Variants in SLX4 observed in about 807,000 individuals in gnomAD.
The protein encoded by SLX4 is SLX4 structure-specific endonuclease subunit, also known as structure-specific endonuclease subunit SLX4.
SLX4 carries 112 observed loss-of-function variants against 146.2 expected under a neutral mutation model. That is an observed-to-expected ratio of 0.77 (90% confidence interval 0.66 to 0.90). The LOEUF is 0.90. Among genes scored for constraint, SLX4 ranks in the 40% least tolerant of loss-of-function variants. SLX4 has a pLI of 0.00. For synonymous variants in SLX4, 1,061 were observed against 997.7 expected, an observed-to-expected ratio of 1.06 and a Z score of -1.20; for missense variants, 2,563 against 2,392.7, an observed-to-expected ratio of 1.07 and a Z score of -1.49.
At chr16:3,594,708 G>C in intron 9 of SLX4, 109 bp from the exon 10 acceptor site, 1 of 1,452,924 alleles carries the variant, frequency 6.9e-7, no homozygotes, top group Non-Finnish European at 9.5e-7. Context: ...CGGGAGCCAG[G>C]ACCTGCATTC....
chr16:3,602,151 A>G lies in SLX4; in HGVS notation c.917T>C (p.Met306Thr), dbSNP rs1343116242. 6.2e-7 allele frequency: 1 copy of G among 1,614,150 alleles called. No homozygotes were observed. Among genetic ancestry groups the G allele is most frequent in the Non-Finnish European group, 8.5e-7 (1 of 1,180,028 alleles). Residue 306 changes from methionine (M) to threonine (T), a missense_variant, in exon 4 of 15, where the codon ATG (methionine) becomes ACG (threonine). By Grantham distance (81) the Met-to-Thr change is moderately conservative (BLOSUM62 -1). Transcript: ENST00000294008. ...ATGCTGTTCCCTTCGGGTCACGTTC[A>G]TGGCTGAGAGGTTCTTTTGACAAAT... ...CQICQKNLSA[M>T]NVTRREQHVN... is the part of the protein sequence containing the mutation.
rs1277052467 is a variant in SLX4, at chr16:3,591,157, CTCT to C, written c.2478_2480del (p.Glu829del). 4 of 1,614,106 alleles carry C rather than the reference CTCT, an allele frequency of 2.5e-6. No individual in the cohort carries two copies. Among genetic ancestry groups the C allele is most frequent in the Non-Finnish European group, 3.4e-6 (4 of 1,180,054 alleles). The stretch of plus-strand genomic sequence containing the variant: ...ATTTCAACAAAGTCTCCGCTTCCTC[CTCT>C]TCATCTGCCCACATTGACCTCAAGA... On this transcript the variant is annotated inframe_deletion, in exon 12 of 15. Transcript: ENST00000294008.
chr16:3,605,102 T>C (rs575465691), intron 3 of SLX4, among the ~76,000 whole-genome samples: 1 of 151,244 alleles, frequency 6.6e-6, no homozygotes, highest in African/African-American at 2.4e-5. Context: ...AAAAAAATTT[T>C]TTTTTGAGTC....
rs2040811041 is a variant in SLX4, at chr16:3,608,523, G to A, written c.442C>T (p.Pro148Ser). The A allele has an allele frequency of 6.2e-7, 1 of 1,614,188 alleles. No individual in the cohort carries two copies. Among genetic ancestry groups the A allele is most frequent in the Middle Eastern group, 1.6e-4 (1 of 6,062 alleles). Residue 148 changes from proline to serine, a missense_variant, in exon 2 of 15, where the codon CCA becomes TCA. Coordinates refer to ENST00000294008, the MANE Select transcript of SLX4 (RefSeq NM_032444.4). ...NGEGGVLASA[P>S]DPPVLRETAQ... is the part of the protein sequence containing the mutation. ...GTTTCCCGGAGCACAGGTGGATCTG[G>A]AGCAGAGGCAAGCACACCCCCCTCC...
intron 13 of SLX4, 33 bp from the exon 14 acceptor site, chr16:3,583,543 C>G (rs759432253): frequency 1.2e-6 from 2 of 1,612,628 alleles, no homozygotes; most frequent in African/African-American, 1.3e-5. Context: ...TCAGGACCCA[C>G]CCACACAGCT....
At chr16:3,598,312 C>T (rs2040689143) in intron 5 of SLX4, among the ~76,000 whole-genome samples, 1 of 152,230 alleles carries the variant, frequency 6.6e-6, no homozygotes, top group Non-Finnish European at 1.5e-5. Flanking sequence ...ATGGAGTCAA[C>T]AATCGATGGC....
At chr16:3,606,809 T>G in intron 2 of SLX4, 111 bp from the exon 3 acceptor site, 2 of 1,113,888 alleles carry the variant, frequency 1.8e-6, no homozygotes, top group Non-Finnish European at 2.7e-6. Flanking sequence ...TCAACTAGTT[T>G]AGGTTTGACT....
chr16:3,601,561 G>A, intron 4 of SLX4: 1 of 354,918 alleles, frequency 2.8e-6, no homozygotes, highest in South Asian at 2.4e-5. Flanking sequence ...GTCCGCCAAT[G>A]GACGAAAGGA....
intron 3 of SLX4, 89 bp downstream of exon 3, chr16:3,606,385 C>T: frequency 7.0e-7 from 1 of 1,435,182 alleles, no homozygotes; most frequent in Non-Finnish European, 9.8e-7. Context: ...ACAGAAGAAA[C>T]TCAACAAATG....
chr16:3,608,877 A>G lies in SLX4; in HGVS notation c.88T>C (p.Ser30Pro). 6.2e-7 allele frequency: 1 copy of G among 1,614,162 alleles called. No individual in the cohort carries two copies. Residue 30 changes from serine to proline, a missense_variant, in exon 2 of 15, where the codon TCC (serine) becomes CCC (proline). Ser to Pro is a moderately conservative substitution (Grantham distance 74). Coordinates refer to ENST00000294008, the MANE Select transcript of SLX4 (RefSeq NM_032444.4). ...AGGCTTTCAGGCTGGTCTTCAGAGG[A>G]GCGAGGGTCAATCCCAGGACAGGCA... is the stretch of plus-strand genomic sequence containing the variant. ...LSACPGIDPR[S>P]SEDQPESLKT... is the part of the protein sequence containing the mutation.
intron 7 of SLX4, among the ~76,000 whole-genome samples, chr16:3,596,871 GGA>G (rs1258611909): frequency 1.3e-5 from 2 of 150,894 alleles, no homozygotes; most frequent in East Asian, 3.9e-4. Context: ...TGCCCAGGCT[GGA>G]GTGTAATGGC....
chr16:3,606,162 A>G (rs1230317248), intron 3 of SLX4, among the ~76,000 whole-genome samples: 1 of 151,108 alleles, frequency 6.6e-6, no homozygotes, highest in Non-Finnish European at 1.5e-5. Flanking sequence ...GGGGCAAGAT[A>G]ATTGCTTGAA....
rs759772918 is a variant in SLX4, at chr16:3,597,947, CCTT to C, written c.1213_1215del (p.Lys405del). On this transcript the variant is annotated inframe_deletion, in exon 6 of 15. Coordinates refer to ENST00000294008, the MANE Select transcript of SLX4 (RefSeq NM_032444.4). The surrounding 1 kb of genome is among the most constrained non-coding windows in gnomAD (Gnocchi z 4.4). ...TCCACCTTCCGCCTCTTCCGTGGCT[CCTT>C]CTTGCTGGTGGGTCCTCTCCGTTTC... 1 of 1,614,026 alleles carries C rather than the reference CCTT, an allele frequency of 6.2e-7. No individual in the cohort carries two copies. Among genetic ancestry groups the C allele is most frequent in the Non-Finnish European group, 8.5e-7 (1 of 1,180,054 alleles).
Position 3,608,741 on chromosome 16 carries a change from T to C in SLX4, c.224A>G (p.Lys75Arg), listed in dbSNP as rs763518690. 2 of 1,614,238 alleles carry C rather than the reference T, an allele frequency of 1.2e-6. No individual in the cohort carries two copies. The highest frequency in any genetic ancestry group is 1.7e-5 in the Admixed American group (1 of 60,026). Residue 75 changes from lysine to arginine, a missense_variant, in exon 2 of 15, where the codon AAG becomes AGG. Coordinates refer to ENST00000294008, the MANE Select transcript of SLX4 (RefSeq NM_032444.4). ...HGIKEVSGERKTQKAASNGTQ... is the reference protein window; with the variant it reads ...HGIKEVSGERRTQKAASNGTQ... ...GCCGTTTGAGGCAGCCTTTTGTGTC[T>C]TCCTTTCTCCTGACACTTCCTTGAT...
At chr16:3,606,053 A>T (rs553697452) in intron 3 of SLX4, among the ~76,000 whole-genome samples, 1 of 151,322 alleles carries the variant, frequency 6.6e-6, no homozygotes, top group Admixed American at 6.6e-5. Context: ...TGAGGTCAGG[A>T]GTTCGAGACC....
At chr16:3,585,976 C>G (rs1410388553) in intron 12 of SLX4, among the ~76,000 whole-genome samples, 1 of 152,028 alleles carries the variant, frequency 6.6e-6, no homozygotes, top group Non-Finnish European at 1.5e-5. Context: ...GCACTCCAGC[C>G]TGGGCGACAG....
chr16:3,590,454 G>C lies in SLX4; in HGVS notation c.3184C>G (p.Arg1062Gly). 3.1e-6 allele frequency: 5 copies of C among 1,614,118 alleles called. No individual in the cohort carries two copies. Among genetic ancestry groups the C allele is most frequent in the Non-Finnish European group, 4.2e-6 (5 of 1,179,988 alleles). The change falls in exon 12 of 15, where the codon CGT (arginine) becomes GGT (glycine). Residue 1062 changes from arginine (R) to glycine (G), a missense_variant. Coordinates refer to ENST00000294008, the MANE Select transcript of SLX4 (RefSeq NM_032444.4). This position sits in a 1 kb window ranked among gnomAD's most constrained non-coding sequence, Gnocchi z 4.8. ...GAGCCCACCTGGGAAGTTCCGCCAC[G>C]GGACCGGGGTGTTGACAGGGACGAC... ...SGSSLSTPRS[R>G]GGTSQVGSPT...
chr16:3,591,274 C>T lies in SLX4; in HGVS notation c.2364G>A (p.Gln788=), dbSNP rs781460590. The T allele has an allele frequency of 1.2e-6, 2 of 1,612,568 alleles. No homozygotes were observed. Among genetic ancestry groups the T allele is most frequent in the Non-Finnish European group, 1.7e-6 (2 of 1,180,030 alleles). ...CCTCTGAGTCAGTGGCAATAGGCAC[C>T]TGTTCGCACAGGTGAACGAGCTCAC... The part of the protein sequence containing the change: ...GVSELVHLCE[Q]VPIATDSEGK... Residue 788 remains glutamine, a synonymous_variant, in exon 12 of 15, where the codon CAG becomes CAA. Coordinates refer to ENST00000294008, the MANE Select transcript of SLX4 (RefSeq NM_032444.4).
At chr16:3,611,462 A>G (rs2040872543) in intron 1 of SLX4, 98 bp downstream of exon 1, 1 of 152,228 alleles carries the variant, frequency 6.6e-6, no homozygotes, top group South Asian at 2.1e-4. Context: ...ACGGGCGAGA[A>G]AGGCTCTTCT....
Sources: gnomAD v4.1 joint callset for allele counts (sites outside exome capture counted in the v4.1 genomes callset) on GRCh38, gnomAD v4.1.1 for gene constraint, Gnocchi (gnomAD v3.1) non-coding constraint, MANE v1.5 for transcripts, NCBI Gene and HGNC (gene_info 2026-07-23, HGNC 2026-07-21) for gene names.